Variants in TCF4 observed in about 807,000 individuals in gnomAD.
The protein encoded by TCF4 is transcription factor 4.
TCF4 carries 3 observed loss-of-function variants against 82.1 expected under a neutral mutation model. The observed-to-expected ratio is 0.04, with a 90% CI of 0.02 to 0.09. TCF4 has a LOEUF of 0.09. Ranked by LOEUF, TCF4 falls within the 10% of genes least tolerant of loss-of-function variation. The pLI, the probability that TCF4 is intolerant of heterozygous loss-of-function variation, is 1.00. For synonymous variants in TCF4, 276 were observed against 309.6 expected (o/e 0.89, Z 1.14); for missense variants, 518 against 852.7 (o/e 0.61, Z 4.89).
chr18:55,387,600 C>T (rs1456523182), intron 6 of TCF4, among the ~76,000 whole-genome samples: 1 of 152,178 alleles, frequency 6.6e-6, no homozygotes, highest in Non-Finnish European at 1.5e-5. Context: ...TATTTTATTC[C>T]TGTCATTTAT....
chr18:55,467,427 C>T (rs527754100), intron 3 of TCF4, among the ~76,000 whole-genome samples: 1 of 152,238 alleles, frequency 6.6e-6, no homozygotes, highest in South Asian at 2.1e-4. Flanking sequence ...CTCATATCTA[C>T]TCAGTCTGAA....
chr18:55,443,039 A>G (rs1603467740), intron 5 of TCF4, among the ~76,000 whole-genome samples: 1 of 152,100 alleles, frequency 6.6e-6, no homozygotes, highest in East Asian at 1.9e-4. Context: ...TGTAGCTGCA[A>G]AGTGTGCTGA....
At chr18:55,293,944 T>A (rs2065786395) in intron 8 of TCF4, among the ~76,000 whole-genome samples, 1 of 127,144 alleles carries the variant, frequency 7.9e-6, no homozygotes, top group African/African-American at 2.8e-5. Flanking sequence ...TTTTTTTTTT[T>A]TTTTTTTTTT....
In TCF4 at chr18:55,438,010, G is replaced by A. The variant is rs538454798; in HGVS notation, c.304+23009C>T. Among the ~76,000 whole-genome samples, 6 of 152,222 alleles carry A rather than the reference G, an allele frequency of 3.9e-5. No individual in the cohort carries two copies. In the South Asian group the frequency reaches 1.0e-3, roughly 26 times the overall value. On this transcript the variant is annotated intron_variant, in intron 5 of 19. Transcript: ENST00000354452. ...GAGGTCAGGAGTTTGAGACCAGCCTGGCCAACATGGTGAAACCCCATCTCT... is the reference window on the plus strand; with the variant it reads ...GAGGTCAGGAGTTTGAGACCAGCCTAGCCAACATGGTGAAACCCCATCTCT...
At chr18:55,354,298 G>A (rs1209132863) in intron 6 of TCF4, among the ~76,000 whole-genome samples, 1 of 152,188 alleles carries the variant, frequency 6.6e-6, no homozygotes, top group African/African-American at 2.4e-5. Context: ...CCCAAATACA[G>A]CACTCTGTGA....
At chr18:55,506,416 C>T (rs1007537757) in intron 3 of TCF4, among the ~76,000 whole-genome samples, 3 of 152,160 alleles carry the variant, frequency 2.0e-5, no homozygotes, top group South Asian at 2.1e-4. Context: ...TTTATTTATA[C>T]ACACACATAT....
intron 5 of TCF4, among the ~76,000 whole-genome samples, chr18:55,444,429 G>A (rs759706134): frequency 2.6e-5 from 4 of 152,134 alleles, no homozygotes; most frequent in Admixed American, 6.5e-5. Context: ...GATGGTGACC[G>A]GGAATACAAG....
intron 6 of TCF4, 129 bp from the exon 7 acceptor site, chr18:55,351,132 A>G: frequency 8.3e-7 from 1 of 1,208,102 alleles, no homozygotes; most frequent in Non-Finnish European, 1.2e-6. Flanking sequence ...GACAATTAAA[A>G]CAAAACAAAA....
intron 15 of TCF4, among the ~76,000 whole-genome samples, chr18:55,246,625 T>TTTCTTTAAATTTAATTTTCTTTAA: frequency 6.6e-6 from 1 of 152,198 alleles, no homozygotes; most frequent in South Asian, 2.1e-4. Context: ...AATATAGAAA[T>TTTCTTTAAATTTAATTTTCTTTAA]ATCAAATGGT....
At chr18:55,529,142 C>T (rs2097028331) in intron 3 of TCF4, among the ~76,000 whole-genome samples, 1 of 152,196 alleles carries the variant, frequency 6.6e-6, no homozygotes, top group Admixed American at 6.5e-5. Context: ...CGTGCCATTG[C>T]ACTTCAGCCC....
chr18:55,626,222 T>C (rs898365838), intron 2 of TCF4, among the ~76,000 whole-genome samples: 1 of 152,218 alleles, frequency 6.6e-6, no homozygotes, highest in African/African-American at 2.4e-5. Context: ...ATGTATTTTA[T>C]CACAACCACT....
rs2145728874 is a variant in TCF4, at chr18:55,261,456, A to C, written c.990+10T>G. On this transcript the variant is annotated intron_variant, in intron 12 of 19. Coordinates refer to ENST00000354452, the MANE Select transcript of TCF4 (RefSeq NM_001083962.2). ...GGTACATATGGAGTCCAAAGTCAAT[A>C]TTTCCTCACCGAAGCAAGTGCTTTC... The C allele has an allele frequency of 6.2e-7, 1 of 1,613,830 alleles. No individual in the cohort carries two copies. Among genetic ancestry groups the C allele is most frequent in the African/African-American group, 1.3e-5 (1 of 75,026 alleles).
At chr18:55,264,731 T>C (rs2058745864) in intron 11 of TCF4, 1 of 152,110 alleles carries the variant, frequency 6.6e-6, no homozygotes, top group African/African-American at 2.4e-5. Flanking sequence ...ATGATCAAAA[T>C]GTCCATGTAA....
At chr18:55,255,454 T>TAAA (rs916119950) in intron 14 of TCF4, among the ~76,000 whole-genome samples, 5 of 152,180 alleles carry the variant, frequency 3.3e-5, no homozygotes, top group Non-Finnish European at 7.4e-5. Flanking sequence ...TTTAAACCAT[T>TAAA]AAAAACCAAC....
intron 3 of TCF4, among the ~76,000 whole-genome samples, chr18:55,533,867 C>G (rs936488210): frequency 9.2e-5 from 14 of 152,284 alleles, no homozygotes; most frequent in Admixed American, 4.6e-4. Flanking sequence ...TTCCCTTGTT[C>G]TTTCTTTTAA....
chr18:55,435,149 G>C (rs774932876), intron 5 of TCF4, among the ~76,000 whole-genome samples: 4 of 152,110 alleles, frequency 2.6e-5, no homozygotes, highest in Non-Finnish European at 5.9e-5. Flanking sequence ...CTAAACTGTA[G>C]CACCTTCTCT....
At chr18:55,365,998 ATAGATATAGAT>A in intron 6 of TCF4, among the ~76,000 whole-genome samples, 1 of 149,212 alleles carries the variant, frequency 6.7e-6, no homozygotes, top group South Asian at 2.1e-4. Context: ...AGATATAGAT[ATAGATATAGAT>A]ATAGATATAG....
intron 3 of TCF4, among the ~76,000 whole-genome samples, chr18:55,561,710 G>A (rs993046405): frequency 9.2e-5 from 14 of 152,068 alleles, no homozygotes; most frequent in Admixed American, 2.0e-4. Flanking sequence ...TAGCTTGTCT[G>A]TTAACAAGAA....
intron 3 of TCF4, among the ~76,000 whole-genome samples, chr18:55,523,834 A>G (rs895677941): frequency 6.6e-6 from 1 of 152,136 alleles, no homozygotes. Context: ...GCTTGAAGGG[A>G]AAGGATTTTT....
Sources: allele counts gnomAD v4.1 joint callset (sites outside exome capture counted in the v4.1 genomes callset), GRCh38; gene constraint gnomAD v4.1.1; transcripts MANE v1.5; gene names NCBI Gene and HGNC (gene_info 2026-07-23, HGNC 2026-07-21).